The following RYR1 variants were observed in gnomAD, a reference collection of about 807,000 sequenced individuals.
RYR1 encodes the protein central core disease of muscle.
A neutral mutation model predicts 583.5 loss-of-function variants in RYR1; 342 were observed. That is an observed-to-expected ratio of 0.59 (90% confidence interval 0.54 to 0.64). The LOEUF (loss-of-function observed/expected upper bound fraction) is 0.64. Among genes scored for constraint, RYR1 ranks in the 30% least tolerant of loss-of-function variants. The probability of loss-of-function intolerance (pLI) is 0.00; values close to 1 mark genes in which losing one functional copy is unlikely to be tolerated. For missense variants in RYR1, 6,032 were observed against 6,917.2 expected (o/e 0.87, Z 4.54); for synonymous variants, 2,791 against 2,822.5 (o/e 0.99, Z 0.35).
chr19:38,514,469 T>C (rs376835335), intron 63 of RYR1, among the ~76,000 whole-genome samples: 1 of 151,596 alleles, frequency 6.6e-6, no homozygotes, highest in East Asian at 2.0e-4. Context: ...TTAGTAGAGA[T>C]GGGGTTTCAC....
At position 38,584,988 on chromosome 19, in the gene RYR1, A is replaced by AT; in HGVS notation, c.14694dup (p.Gly4899TrpfsTer10). Reference sequence around the variant, plus strand: ...CGTGGGTGTCCGGGCTGGCGGAGGCATTGGGGACGAGATCGAGGACCCCGC... The same window carrying AT: ...CGTGGGTGTCCGGGCTGGCGGAGGCATTTGGGGACGAGATCGAGGACCCCGC... On this transcript the variant is annotated frameshift_variant, in exon 102 of 106. Transcript: ENST00000359596. LOFTEE classifies it high-confidence loss of function. 6.2e-7 allele frequency: 1 copy of AT among 1,613,968 alleles called. No individual in the cohort carries two copies. Among genetic ancestry groups the AT allele is most frequent in the South Asian group, 1.1e-5 (1 of 91,082 alleles).
At position 38,573,209 on chromosome 19, in the gene RYR1, G is replaced by A. The variant is rs1412023955; in HGVS notation, c.14031G>A (p.Glu4677=). The change falls in exon 96 of 106, where the codon GAG becomes GAA. Residue 4677 remains glutamate, a synonymous_variant. Coordinates refer to ENST00000359596, the MANE Select transcript of RYR1 (RefSeq NM_000540.3). The part of the protein sequence containing the change: ...VPLVIFKREK[E]LARKLEFDGL... ...TGGTAATCTTTAAGCGGGAGAAGGA[G>A]CTGGCCCGGAAGCTGGAGTTTGATG... 1 of 1,614,036 alleles carries A rather than the reference G, an allele frequency of 6.2e-7. No individual in the cohort carries two copies. Among genetic ancestry groups the A allele is most frequent in the South Asian group, 1.1e-5 (1 of 91,084 alleles).
intron 52 of RYR1, 33 bp downstream of exon 52, chr19:38,505,114 C>A: frequency 4.4e-6 from 7 of 1,590,668 alleles, no homozygotes; most frequent in Non-Finnish European, 6.0e-6. Flanking sequence ...CCAAGAAACC[C>A]TCAAGACCCC....
In RYR1 at chr19:38,473,622, A is replaced by G. The variant is rs754476108; in HGVS notation, c.4011A>G (p.Ser1337=). Residue 1337 remains serine, a synonymous_variant, in exon 28 of 106, where the codon TCA becomes TCG. Coordinates refer to ENST00000359596, the MANE Select transcript of RYR1 (RefSeq NM_000540.3). ...PDPDYENLRR[S]AGGWSEAENG... is the part of the protein sequence containing the mutation. Reference sequence around the variant, plus strand: ...CTGACTACGAAAACCTGCGCCGCTCAGCTGGGGGCTGGAGCGAGGCAGAGA... The same window carrying G: ...CTGACTACGAAAACCTGCGCCGCTCGGCTGGGGGCTGGAGCGAGGCAGAGA... The G allele has an allele frequency of 2.8e-5, 44 of 1,566,906 alleles. No individual in the cohort carries two copies. Among genetic ancestry groups the G allele is most frequent in the Non-Finnish European group, 3.7e-5 (43 of 1,155,950 alleles).
chr19:38,494,427 T>C lies in RYR1; in HGVS notation c.6350T>C (p.Val2117Ala). ...GACTTCGTGCAGAGCCCCGAGCTGGTGCGGGCCATGTTCAGCCTCCTGCAC... is the reference window on the plus strand; with the variant it reads ...GACTTCGTGCAGAGCCCCGAGCTGGCGCGGGCCATGTTCAGCCTCCTGCAC... ...QEDFVQSPEL[V>A]RAMFSLLHRQ... is the part of the protein sequence containing the mutation. The change falls in exon 39 of 106, where the codon GTG (valine) becomes GCG (alanine). Residue 2117 changes from valine to alanine, a missense_variant. Around this residue, in one of 11 missense-constraint regions of RYR1, gnomAD observed 2,627 missense variants for 2,961.3 expected, o/e 0.89. Coordinates refer to ENST00000359596, the MANE Select transcript of RYR1 (RefSeq NM_000540.3). 6.2e-7 allele frequency: 1 copy of C among 1,612,208 alleles called. No individual in the cohort carries two copies. Among genetic ancestry groups the C allele is most frequent in the Non-Finnish European group, 8.5e-7 (1 of 1,180,012 alleles).
chr19:38,463,509 G>C lies in RYR1; in HGVS notation c.2664G>C (p.Gln888His). The change falls in exon 21 of 106, where the codon CAG becomes CAC. Residue 888 changes from glutamine (Q) to histidine (H), a missense_variant. Gln to His is a conservative substitution (Grantham distance 24). Coordinates refer to ENST00000359596, the MANE Select transcript of RYR1 (RefSeq NM_000540.3). The part of the protein sequence containing the change: ...HELWALTRIE[Q>H]GWTYGPVRDD... ...TCTGGGCGCTAACCCGCATCGAGCA[G>C]GGCTGGACCTACGGCCCGGTGAGGG... The C allele has an allele frequency of 6.2e-7, 1 of 1,612,932 alleles. No individual in the cohort carries two copies. The highest frequency in any genetic ancestry group is 8.5e-7 in the Non-Finnish European group (1 of 1,179,956).
intron 89 of RYR1, among the ~76,000 whole-genome samples, chr19:38,551,025 C>CTT (rs71165560): frequency 1.2e-4 from 5 of 41,358 alleles, no homozygotes; most frequent in African/African-American, 1.7e-4. Flanking sequence ...GGATTCACGG[C>CTT]TTTTTTTTTT....
At chr19:38,495,071 C>T (rs538085991) in intron 39 of RYR1, among the ~76,000 whole-genome samples, 5 of 151,336 alleles carry the variant, frequency 3.3e-5, no homozygotes, top group South Asian at 4.4e-4. Context: ...AGACTAGTCT[C>T]GAACTCCTAA....
intron 97 of RYR1, among the ~76,000 whole-genome samples, chr19:38,576,756 C>T (rs1966386): frequency 0.035 from 5,278 of 152,020 alleles, 183 homozygotes; most frequent in East Asian, 0.11. Flanking sequence ...GCCGAGATCG[C>T]GCCATTGCAT....
Position 38,499,259 on chromosome 19 carries a change from CAGTGGCAGAGCGGGA to C in RYR1, c.7027+20_7027+34del, listed in dbSNP as rs1373204472. 6.2e-7 allele frequency: 1 copy of C among 1,614,134 alleles called. No individual in the cohort carries two copies. Among genetic ancestry groups the C allele is most frequent in the Non-Finnish European group, 8.5e-7 (1 of 1,180,008 alleles). On this transcript the variant is annotated intron_variant, in intron 43 of 105. Transcript: ENST00000359596. This position sits in a 1 kb window ranked among gnomAD's most constrained non-coding sequence, Gnocchi z 7.3. ...TTCGTCAACGGTGAGGAGGGGGTGGCAGTGGCAGAGCGGGAAGTATGGAGTCACTGGTCACACACC... is the reference window on the plus strand; with the variant it reads ...TTCGTCAACGGTGAGGAGGGGGTGGCAGTATGGAGTCACTGGTCACACACC...
Position 38,494,539 on chromosome 19 carries a change from C to G in RYR1, c.6462C>G (p.Ser2154Arg), listed in dbSNP as rs1475307413. The G allele has an allele frequency of 6.2e-7, 1 of 1,613,904 alleles. No homozygotes were observed. Among genetic ancestry groups the G allele is most frequent in the Admixed American group, 1.7e-5 (1 of 60,010 alleles). ...ISPSSVEDTM[S>R]LLECLGQIRS... is the part of the protein sequence containing the mutation. ...CGTCCTCCGTGGAAGACACCATGAG[C>G]CTGCTCGAGTGCCTCGGCCAGATCC... The change falls in exon 39 of 106, where the codon AGC becomes AGG. Residue 2154 changes from serine (S) to arginine (R), a missense_variant. Physicochemically the swap from Ser to Arg is moderately radical, Grantham distance 110. Transcript: ENST00000359596.
chr19:38,567,003 G>C lies in RYR1; in HGVS notation c.13514+16G>C. 6.3e-7 allele frequency: 1 copy of C among 1,576,132 alleles called. No homozygotes were observed. The highest frequency in any genetic ancestry group is 8.6e-7 in the Non-Finnish European group (1 of 1,160,452). Reference sequence around the variant, plus strand: ...AGAAAGCCGAGTGAGTGGCCTTGGGGCTGAGGGGCCTAGCCCCTATCACTG... The same window carrying C: ...AGAAAGCCGAGTGAGTGGCCTTGGGCCTGAGGGGCCTAGCCCCTATCACTG... On this transcript the variant is annotated intron_variant, in intron 92 of 105. Coordinates refer to ENST00000359596, the MANE Select transcript of RYR1 (RefSeq NM_000540.3).
At chr19:38,467,876 T>G in intron 25 of RYR1, 64 bp downstream of exon 25, 1 of 1,520,914 alleles carries the variant, frequency 6.6e-7, no homozygotes, top group South Asian at 1.2e-5. Context: ...TTGTCTACTC[T>G]GGCCCTGCCT....
At chr19:38,564,576 G>A (rs1402970121) in intron 90 of RYR1, among the ~76,000 whole-genome samples, 2 of 151,398 alleles carry the variant, frequency 1.3e-5, no homozygotes, top group Non-Finnish European at 2.9e-5. Flanking sequence ...GGAGTGCAGT[G>A]GCACGATCAC....
rs58037715 is a variant in RYR1 at position 38,457,280 on chromosome 19, G to C, written c.1792-217G>C. Among the ~76,000 whole-genome samples, 4,641 of 151,844 alleles carry C rather than the reference G, an allele frequency of 0.031. 209 individuals carry two copies. The highest frequency in any genetic ancestry group is 0.1 in the African/African-American group (4,245 of 41,360). On this transcript the variant is annotated intron_variant, in intron 16 of 105. Coordinates refer to ENST00000359596, the MANE Select transcript of RYR1 (RefSeq NM_000540.3). ...TTGCTGATACCTTATCCCAACTCAT[G>C]TGACCCTCCCTCAGCCTCTTGCCAG...
chr19:38,494,596 G>A lies in RYR1; in HGVS notation c.6519G>A (p.Gln2173=), dbSNP rs1969720548. The A allele has an allele frequency of 6.2e-7, 1 of 1,614,034 alleles. No individual in the cohort carries two copies. The highest frequency in any genetic ancestry group is 1.7e-5 in the Admixed American group (1 of 60,002). ...RSLLIVQMGP[Q]EENLMIQSIG... ...TGCTCATCGTGCAGATGGGCCCCCA[G>A]GAGGAGAACCTCATGATCCAGAGCA... The change falls in exon 39 of 106, where the codon CAG becomes CAA. Residue 2173 remains glutamine (Q), a synonymous_variant. Coordinates refer to ENST00000359596, the MANE Select transcript of RYR1 (RefSeq NM_000540.3).
At chr19:38,581,542 C>T (rs972094077) in intron 101 of RYR1, among the ~76,000 whole-genome samples, 1 of 151,574 alleles carries the variant, frequency 6.6e-6, no homozygotes, top group African/African-American at 2.4e-5. Context: ...CAGTGCCAGG[C>T]ATATGAGTGC....
rs779388788 is a variant in RYR1, at chr19:38,486,020, G to A, written c.5365G>A (p.Ala1789Thr). ...CTGTTTCGTGGCCGCTCTGCCAGCT[G>A]CTGGGGCAGCAGAGGCCCCGGCCCG... ...PPCFVAALPA[A>T]GAAEAPARLS... The change falls in exon 34 of 106, where the codon GCT becomes ACT. Residue 1789 changes from alanine to threonine, a missense_variant. Physicochemically the swap from Ala to Thr is moderately conservative, Grantham distance 58 (BLOSUM62 0). Coordinates refer to ENST00000359596, the MANE Select transcript of RYR1 (RefSeq NM_000540.3). The A allele has an allele frequency of 1.9e-6, 3 of 1,613,252 alleles. No homozygotes were observed. The South Asian group carries it at 3.3e-5, about 18-fold the overall frequency.
At position 38,463,146 on chromosome 19, in the gene RYR1, C is replaced by CCCT. The variant is rs1555772041; in HGVS notation, c.2578-275_2578-274insTCC. ...CTCCTGACCTCAGGCGATCTGCCCC[C>CCCT]CCCCCCCCCACTTAGCCTCCCAAAG... On this transcript the variant is annotated intron_variant, in intron 20 of 105. Coordinates refer to ENST00000359596, the MANE Select transcript of RYR1 (RefSeq NM_000540.3). Among the ~76,000 whole-genome samples, 6 of 61,520 alleles carry CCCT rather than the reference C, an allele frequency of 9.8e-5. 1 individual carries two copies. The highest frequency in any genetic ancestry group is 3.4e-4 in the Admixed American group (3 of 8,730). 40.4% of individuals were successfully genotyped at this position (61,520 alleles called of 152,430 possible). A position where few individuals can be genotyped will look rare whatever the true frequency, so the allele number is the denominator to read the frequency against.
Sources: gnomAD v4.1 joint callset for allele counts (sites outside exome capture counted in the v4.1 genomes callset) on GRCh38, gnomAD v4.1.1 for gene constraint, gnomAD v4.1.1 regional missense constraint, Gnocchi (gnomAD v3.1) non-coding constraint, MANE v1.5 for transcripts, NCBI Gene and HGNC (gene_info 2026-07-23, HGNC 2026-07-21) for gene names.